Variants in KDM2B observed in about 807,000 individuals in gnomAD.
KDM2B encodes lysine demethylase 2B.
Under a neutral mutation model 150.0 loss-of-function variants are expected in KDM2B, and 26 were observed. That is an observed-to-expected ratio of 0.17 (90% confidence interval 0.13 to 0.24). The LOEUF (loss-of-function observed/expected upper bound fraction) is 0.24, where lower values mean the gene tolerates loss of function less well. Among genes scored for constraint, KDM2B ranks in the 10% least tolerant of loss-of-function variants. The pLI is 1.00. For synonymous variants in KDM2B, 734 were observed against 729.5 expected, an observed-to-expected ratio of 1.01 and a Z score of -0.10; for missense variants, 1,265 against 1,816.9, an observed-to-expected ratio of 0.70 and a Z score of 5.52.
At position 121,467,125 on chromosome 12, in the gene KDM2B, GTCCC is replaced by G; in HGVS notation, c.1735-13785_1735-13782del. 1 of 1,110,582 alleles carries G rather than the reference GTCCC, an allele frequency of 9.0e-7. No individual in the cohort carries two copies. The highest frequency in any genetic ancestry group is 1.7e-5 in the South Asian group (1 of 58,082). The allele number at this position is 1,110,582 out of a possible 1,614,324, so 68.8% of individuals were successfully genotyped here. A position where few individuals can be genotyped will look rare whatever the true frequency, so the allele number is the denominator to read the frequency against. ...AGGCGGTCGGGAGGTCGTGCGGCGG[GTCCC>G]TCCCTCAGCCCCACCCCGGGCCGCC... is the stretch of plus-strand genomic sequence containing the variant. On this transcript the variant is annotated intron_variant, in intron 12 of 22. Transcript: ENST00000377071. The surrounding 1 kb of genome is among the most constrained non-coding windows in gnomAD (Gnocchi z 5.1).
rs1389313054 is a variant in KDM2B at position 121,440,384 on chromosome 12, C to T, written c.3611-309G>A. On this transcript the variant is annotated intron_variant, in intron 21 of 22. Coordinates refer to ENST00000377071, the MANE Select transcript of KDM2B (RefSeq NM_032590.5). ...CCGATCCCCATGGCTTGGCGAGAAG[C>T]ACGGACCTAGGCAGTCCAGCCCAGT... 8 of 458,442 alleles carry T rather than the reference C, an allele frequency of 1.7e-5. No individual in the cohort carries two copies. In the Admixed American group the frequency reaches 2.7e-4, roughly 16 times the overall value. 28.4% of individuals were successfully genotyped at this position (458,442 alleles called of 1,614,324 possible). A position where few individuals can be genotyped will look rare whatever the true frequency, so the allele number is the denominator to read the frequency against.
chr12:121,475,111 A>T (rs899114440), intron 12 of KDM2B, among the ~76,000 whole-genome samples: 3 of 151,944 alleles, frequency 2.0e-5, no homozygotes, highest in Non-Finnish European at 2.9e-5. Flanking sequence ...TTGTATAAGG[A>T]CATTCTATGA....
At chr12:121,579,499 G>T in intron 1 of KDM2B, 1 of 440,072 alleles carries the variant, frequency 2.3e-6, no homozygotes, top group Non-Finnish European at 4.3e-6. Context: ...AGCCGCCCCC[G>T]CCGCCCGCCC....
chr12:121,422,872 A>C, the KDM2B span, among the ~76,000 whole-genome samples: 1 of 152,132 alleles, frequency 6.6e-6, no homozygotes, highest in African/African-American at 2.4e-5. Context: ...GATGATTCTA[A>C]GGCTAGGGAG....
In KDM2B at chr12:121,430,831, A is replaced by C. The variant is rs1352415458; in HGVS notation, c.3830-362T>G. Among the ~76,000 whole-genome samples the C allele has an allele frequency of 6.6e-6, 1 of 152,030 alleles. No individual in the cohort carries two copies. The highest frequency in any genetic ancestry group is 1.5e-5 in the Non-Finnish European group (1 of 68,006). ...TCAAGTAGCTTGCTTTTCTCATCTA[A>C]TATGTTGTTGATGAGTACTGCTCTA... On this transcript the variant is annotated intron_variant, in intron 22 of 22. Coordinates refer to ENST00000377071, the MANE Select transcript of KDM2B (RefSeq NM_032590.5). This position sits in a 1 kb window ranked among gnomAD's most constrained non-coding sequence, Gnocchi z 4.4.
At chr12:121,496,144 A>C (rs1206995241) in intron 11 of KDM2B, among the ~76,000 whole-genome samples, 4 of 152,108 alleles carry the variant, frequency 2.6e-5, no homozygotes, top group Middle Eastern at 3.2e-3. Context: ...CTATGAAGAC[A>C]GACCCCCAGA....
chr12:121,534,302 T>C lies in KDM2B; in HGVS notation c.777+195A>G, dbSNP rs181852123. Among the ~76,000 whole-genome samples the C allele has an allele frequency of 2.9e-3, 432 of 151,226 alleles. 2 individuals are homozygous for C. Among genetic ancestry groups the C allele is most frequent in the African/African-American group, 9.9e-3 (406 of 41,112 alleles). On this transcript the variant is annotated intron_variant, in intron 7 of 22. Coordinates refer to ENST00000377071, the MANE Select transcript of KDM2B (RefSeq NM_032590.5). ...AGGCAGAGCTTGCAGTGAGCCGAGA[T>C]TGCACCACTGCACTCCAGCCTGGGC...
chr12:121,448,654 C>T (rs1028069281), intron 13 of KDM2B, among the ~76,000 whole-genome samples: 1 of 152,086 alleles, frequency 6.6e-6, no homozygotes, highest in Admixed American at 6.6e-5. Flanking sequence ...GGGATATACA[C>T]GCCATTGGTA....
intron 6 of KDM2B, among the ~76,000 whole-genome samples, chr12:121,540,408 G>A (rs1888513955): frequency 6.6e-6 from 1 of 152,118 alleles, no homozygotes; most frequent in African/African-American, 2.4e-5. Flanking sequence ...AATGTGCAAT[G>A]TAGACATAAA....
At chr12:121,439,065 C>T (rs368413819) in intron 22 of KDM2B, among the ~76,000 whole-genome samples, 1 of 152,148 alleles carries the variant, frequency 6.6e-6, no homozygotes, top group African/African-American at 2.4e-5. Context: ...ACCACAGCGA[C>T]AGACAGAGAA....
At chr12:121,571,142 C>T (rs1891057742) in intron 4 of KDM2B, among the ~76,000 whole-genome samples, 1 of 152,120 alleles carries the variant, frequency 6.6e-6, no homozygotes, top group African/African-American at 2.4e-5. Context: ...TCAGCAACTT[C>T]ATAGAGACAC....
At chr12:121,514,611 C>T (rs1885876487) in intron 9 of KDM2B, among the ~76,000 whole-genome samples, 1 of 151,712 alleles carries the variant, frequency 6.6e-6, no homozygotes, top group Admixed American at 6.6e-5. Context: ...AAGAGGGTGT[C>T]TGCGGGGACG....
intron 11 of KDM2B, among the ~76,000 whole-genome samples, chr12:121,498,899 A>G (rs898230551): frequency 6.6e-6 from 1 of 152,090 alleles, no homozygotes; most frequent in African/African-American, 2.4e-5. Context: ...CACAGCCTCG[A>G]ACTCCTGGGC....
intron 12 of KDM2B, among the ~76,000 whole-genome samples, chr12:121,466,597 T>C (rs2139437114): frequency 6.6e-6 from 1 of 151,514 alleles, no homozygotes; most frequent in Non-Finnish European, 1.5e-5. Flanking sequence ...CCCCTTCCTG[T>C]CTCCGTCTGC....
At chr12:121,433,284 G>A (rs1317894046) in intron 22 of KDM2B, 6 of 439,354 alleles carry the variant, frequency 1.4e-5, no homozygotes, top group Non-Finnish European at 2.7e-5. Context: ...CCTTCCACAG[G>A]CAGGCTGACA....
Position 121,472,333 on chromosome 12 carries a change from T to C in KDM2B, c.1735-18989A>G, listed in dbSNP as rs569647199. ...AACACAGTGTAAATAAAAGGAACTT[T>C]CTAACCACTTAACATAGCATTCCAG... On this transcript the variant is annotated intron_variant, in intron 12 of 22. Transcript: ENST00000377071. Among the ~76,000 whole-genome samples the C allele has an allele frequency of 7.2e-5, 11 of 152,330 alleles. No individual in the cohort carries two copies. In the South Asian group the frequency reaches 2.1e-3, roughly 29 times the overall value.
chr12:121,521,015 C>G lies in KDM2B; in HGVS notation c.1017G>C (p.Leu339=), dbSNP rs782331688. 1.2e-6 allele frequency: 2 copies of G among 1,614,066 alleles called. No homozygotes were observed. The change falls in exon 9 of 23, where the codon CTG becomes CTC. Residue 339 remains leucine, a synonymous_variant. Transcript: ENST00000377071. The surrounding 1 kb of genome is among the most constrained non-coding windows in gnomAD (Gnocchi z 4.9). ...ILHSFNVPMQ[L]RIYEIEDRTR... ...TCCTGTCCTCGATCTCGTAGATCCGCAGCTGCATGGGCACGTTAAAGCTGT... is the reference window on the plus strand; with the variant it reads ...TCCTGTCCTCGATCTCGTAGATCCGGAGCTGCATGGGCACGTTAAAGCTGT...
chr12:121,545,150 G>A (rs1427156240), intron 6 of KDM2B, among the ~76,000 whole-genome samples: 1 of 152,090 alleles, frequency 6.6e-6, no homozygotes, highest in Non-Finnish European at 1.5e-5. Flanking sequence ...CGATCCCGGA[G>A]GACTTCATCA....
In KDM2B at chr12:121,521,256, T is replaced by G. The variant is rs1886664164; in HGVS notation, c.932-156A>C. Among the ~76,000 whole-genome samples the G allele has an allele frequency of 6.6e-6, 1 of 152,128 alleles. No individual in the cohort carries two copies. The highest frequency in any genetic ancestry group is 2.4e-5 in the African/African-American group (1 of 41,430). On this transcript the variant is annotated intron_variant, in intron 8 of 22. Coordinates refer to ENST00000377071, the MANE Select transcript of KDM2B (RefSeq NM_032590.5). The surrounding 1 kb of genome is among the most constrained non-coding windows in gnomAD (Gnocchi z 4.9). ...GGCAGCGGCGCCCAGCAATGCCTGC[T>G]GCACAACGCCCAGGCCTGAGCCGCC...
Sources: allele counts gnomAD v4.1 joint callset (sites outside exome capture counted in the v4.1 genomes callset), GRCh38; gene constraint gnomAD v4.1.1; non-coding constraint Gnocchi (gnomAD v3.1); transcripts MANE v1.5; gene names NCBI Gene and HGNC (gene_info 2026-07-23, HGNC 2026-07-21).